The following PDK3 variants were observed in gnomAD, a reference collection of about 807,000 sequenced individuals.
PDK3 encodes the protein pyruvate dehydrogenase kinase 3, also known as pyruvate dehydrogenase kinase, isozyme 3.
In PDK3, 12 loss-of-function variants were observed where a neutral mutation model predicts 32.0. The ratio of observed to expected loss-of-function variants is 0.37; its 90% CI spans 0.24 to 0.61. The LOEUF (loss-of-function observed/expected upper bound fraction) is 0.61, where lower values mean the gene tolerates loss of function less well. PDK3 is among the 20% of genes least tolerant of loss of function. PDK3 has a pLI of 0.65. For missense variants in PDK3, 188 were observed against 316.9 expected (o/e 0.59, Z 3.09); for synonymous variants, 122 against 116.3 (o/e 1.05, Z -0.31).
At chrX:24,537,822 G>A (rs1319436393), downstream of PDK3, among the ~76,000 whole-genome samples, 1 of 112,002 alleles carries the variant, frequency 8.9e-6, no homozygotes, top group Non-Finnish European at 1.9e-5. Context: ...AAGTGTCATG[G>A]TGGACTGCTA....
Position 24,532,229 on chromosome X carries a change from G to C in PDK3, c.1077+459G>C, listed in dbSNP as rs1922667734. ...TGCAGTGAGCCAAGATGGTGCCACT[G>C]CACTCCAGCCTGGGCGACAGAATGA... On this transcript the variant is annotated intron_variant, in intron 10 of 10. Transcript: ENST00000379162. 2.7e-5 allele frequency among the ~76,000 whole-genome samples: 3 copies of C among 110,375 alleles called. No individual in the cohort carries two copies. The South Asian group carries it at 1.2e-3, about 43-fold the overall frequency.
Position 24,469,492 on chromosome X carries a change from TA to T in PDK3, c.106+3942del, listed in dbSNP as rs1020518928. Among the ~76,000 whole-genome samples the T allele has an allele frequency of 1.6e-3, 169 of 104,912 alleles. 2 individuals are homozygous for T. In the South Asian group the frequency reaches 0.06, roughly 37 times the overall value. 91.1% of individuals were successfully genotyped at this position (104,912 alleles called of 115,157 possible). ...TATTTTAGTTTTTTATTGTGGAAAT[TA>T]AAAAAAAAAACTTAGGTGGGTGCCT... On this transcript the variant is annotated intron_variant, in intron 1 of 10. Transcript: ENST00000379162.
At chrX:24,529,129 A>G (rs1161719232) in intron 9 of PDK3, among the ~76,000 whole-genome samples, 1 of 111,905 alleles carries the variant, frequency 8.9e-6, no homozygotes, top group Non-Finnish European at 1.9e-5. Flanking sequence ...CGTTGCCTTG[A>G]CTAGGCTCTG....
chrX:24,516,613 T>C (rs1413456180), intron 5 of PDK3, among the ~76,000 whole-genome samples: 6 of 111,817 alleles, frequency 5.4e-5, no homozygotes, highest in African/African-American at 2.0e-4. Context: ...ATTCCGTTTA[T>C]GTAAAAAGTC....
At chrX:24,496,319 ACGTGCGTG>A (rs1360879439) in intron 2 of PDK3, among the ~76,000 whole-genome samples, 1 of 108,611 alleles carries the variant, frequency 9.2e-6, no homozygotes, top group African/African-American at 3.4e-5. Context: ...ACACACACAC[ACGTGCGTG>A]CACACATATA....
intron 2 of PDK3, among the ~76,000 whole-genome samples, chrX:24,496,566 A>ATTTTTTTTTTTTTTT (rs1921707593): frequency 7.3e-5 from 3 of 41,129 alleles, no homozygotes; most frequent in African/African-American, 3.0e-4. Context: ...TACTACCCCC[A>ATTTTTTTTTTTTTTT]TCTTTTTTTT....
exon 12 of PDK3, among the ~76,000 whole-genome samples, chrX:24,542,538 A>C (rs1056523041): frequency 8.9e-6 from 1 of 112,750 alleles, no homozygotes; most frequent in Non-Finnish European, 1.9e-5. Context: ...TCAGTATACT[A>C]TTCCTCAAAG....
chrX:24,492,997 C>CA (rs201054747), intron 1 of PDK3, among the ~76,000 whole-genome samples: 321 of 72,321 alleles, frequency 4.4e-3, no homozygotes, highest in Middle Eastern at 7.9e-3. Flanking sequence ...AACACTCCGT[C>CA]AAAAAAAAAA....
At chrX:24,540,889 CTTTTTTTTTTTTTTTTTTTTTTT>C (rs369307335) in exon 12 of PDK3, among the ~76,000 whole-genome samples, 1 of 36,697 alleles carries the variant, frequency 2.7e-5, no homozygotes, top group Non-Finnish European at 4.1e-5. Flanking sequence ...CCCTAGCTTC[CTTTTTTTTTTTTTTTTTTTTTTT>C]TTTTTTTTTT....
downstream of PDK3, among the ~76,000 whole-genome samples, chrX:24,536,152 A>G (rs1470655309): frequency 4.5e-5 from 5 of 111,448 alleles, no homozygotes; most frequent in Non-Finnish European, 7.5e-5. Flanking sequence ...TAGTGATGTT[A>G]TGATTGAGCA....
chrX:24,498,794 T>TAACTCTTC lies in PDK3; in HGVS notation c.249-34_249-27dup. On this transcript the variant is annotated intron_variant, in intron 2 of 10. Coordinates refer to ENST00000379162, the MANE Select transcript of PDK3 (RefSeq NM_005391.5). The stretch of plus-strand genomic sequence containing the variant: ...GATGCTGGGCAGGCAACTAACATAG[T>TAACTCTTC]AACTCTTCTTTTTCTTTTTTTTTTT... 3 of 918,046 alleles carry TAACTCTTC rather than the reference T, an allele frequency of 3.3e-6. No homozygotes were observed. In the South Asian group the frequency reaches 7.1e-5, roughly 22 times the overall value. The allele number at this position is 918,046 out of a possible 1,213,427, so 75.7% of individuals were successfully genotyped here.
intron 1 of PDK3, among the ~76,000 whole-genome samples, chrX:24,468,797 A>G (rs1186419169): frequency 1.8e-5 from 2 of 112,356 alleles, no homozygotes; most frequent in African/African-American, 6.5e-5. Context: ...TTCTAAATGG[A>G]TTTTTAATTT....
chrX:24,522,271 A>G (rs1922416369), intron 6 of PDK3, among the ~76,000 whole-genome samples: 1 of 111,532 alleles, frequency 9.0e-6, no homozygotes, highest in Non-Finnish European at 1.9e-5. Flanking sequence ...GCAAACATCT[A>G]TTAAGCATCT....
chrX:24,548,155 C>T (rs889942342), exon 12 of PDK3: 3 of 112,019 alleles, frequency 2.7e-5, no homozygotes, highest in Non-Finnish European at 5.6e-5. Context: ...AGAGCTAGAG[C>T]TTCAAAACTA....
At chrX:24,480,234 T>C (rs1412505612) in intron 1 of PDK3, among the ~76,000 whole-genome samples, 1 of 112,445 alleles carries the variant, frequency 8.9e-6, no homozygotes, top group Non-Finnish European at 1.9e-5. Flanking sequence ...GAAAAGTCTC[T>C]TACAGAGTAC....
chrX:24,517,204 G>T (rs1452338106), intron 5 of PDK3, among the ~76,000 whole-genome samples: 1 of 110,823 alleles, frequency 9.0e-6, no homozygotes, highest in East Asian at 2.8e-4. Flanking sequence ...TCAAACTAAG[G>T]TTGTTTTTTG....
At chrX:24,545,341 C>T (rs1224219070) in exon 12 of PDK3, among the ~76,000 whole-genome samples, 9 of 112,191 alleles carry the variant, frequency 8.0e-5, no homozygotes, top group Admixed American at 5.7e-4. Flanking sequence ...CTTTTGGTTT[C>T]TCATGAATAC....
At chrX:24,513,414 A>C in intron 5 of PDK3, 2 of 113,557 alleles carry the variant, frequency 1.8e-5, no homozygotes, top group East Asian at 5.4e-4. Context: ...ACCATGGTGC[A>C]CTGTGGCCAG....
intron 5 of PDK3, among the ~76,000 whole-genome samples, chrX:24,515,947 C>CAGACATTAAAA (rs1922245089): frequency 9.0e-6 from 1 of 110,574 alleles, no homozygotes; most frequent in Non-Finnish European, 1.9e-5. Flanking sequence ...TTTAATGTCT[C>CAGACATTAAAA]TATCTTTGGT....
Sources: allele counts gnomAD v4.1 joint callset (sites outside exome capture counted in the v4.1 genomes callset), GRCh38; gene constraint gnomAD v4.1.1; transcripts MANE v1.5; gene names NCBI Gene and HGNC (gene_info 2026-07-23, HGNC 2026-07-21).